The following MYPN variants were observed in gnomAD, a reference collection of about 807,000 sequenced individuals.
The protein encoded by MYPN is myopalladin, also known as sarcomeric protein myopalladin, 145 kDa (MYOP).
In MYPN, 63 loss-of-function variants were observed where a neutral mutation model predicts 129.4. The ratio of observed to expected loss-of-function variants is 0.49; its 90% confidence interval spans 0.40 to 0.60. MYPN has a LOEUF of 0.60. MYPN is among the 20% of genes least tolerant of loss of function. The pLI, the probability that MYPN is intolerant of heterozygous loss-of-function variation, is 0.00. For synonymous variants in MYPN, 629 were observed against 600.9 expected (o/e 1.05, Z -0.68); for missense variants, 1,596 against 1,635.4 (o/e 0.98, Z 0.42).
chr10:68,091,801 C>T (rs2041932472), intron 1 of MYPN, among the ~76,000 whole-genome samples: 1 of 150,528 alleles, frequency 6.6e-6, no homozygotes, highest in African/African-American at 2.4e-5. Context: ...CTATTTTGTC[C>T]TCTTTATAAA....
intron 12 of MYPN, among the ~76,000 whole-genome samples, chr10:68,188,402 G>A (rs950174845): frequency 6.5e-5 from 8 of 124,026 alleles, no homozygotes; most frequent in Non-Finnish European, 1.2e-4. Flanking sequence ...GAGCCACCAT[G>A]CCTGGCCTCT....
In MYPN at chr10:68,122,281, A is replaced by G. The variant is rs74143022; in HGVS notation, c.843A>G (p.Pro281=). The change falls in exon 2 of 20, where the codon CCA becomes CCG. Residue 281 remains proline (P), a synonymous_variant. Transcript: ENST00000358913. ...AAAAGTTACGGAGCAGAGAAGTTCC[A>G]GAAGGAACTCGAGTACAGTTGGATT... ...FTQKLRSREV[P]EGTRVQLDCI... 6.4e-3 allele frequency: 10,400 copies of G among 1,613,930 alleles called. 519 individuals are homozygous for G. In the African/African-American group the frequency reaches 0.11, roughly 18 times the overall value.
At chr10:68,125,895 G>C (rs1199845245) in intron 2 of MYPN, among the ~76,000 whole-genome samples, 1 of 152,176 alleles carries the variant, frequency 6.6e-6, no homozygotes, top group Non-Finnish European at 1.5e-5. Flanking sequence ...TGAGAGGGTG[G>C]CTCACAATCT....
chr10:68,164,726 G>T (rs2043028404), intron 8 of MYPN, among the ~76,000 whole-genome samples: 1 of 152,176 alleles, frequency 6.6e-6, no homozygotes, highest in Admixed American at 6.5e-5. Context: ...CTGTAATCAT[G>T]TGGTTCTACC....
At chr10:68,207,596 C>G (rs2043837348) in intron 19 of MYPN, among the ~76,000 whole-genome samples, 2 of 99,844 alleles carry the variant, frequency 2.0e-5, no homozygotes, top group African/African-American at 8.3e-5. Context: ...TTCATTTATT[C>G]CTTTAACAAA....
In MYPN at chr10:68,175,294, G is replaced by GGT. The variant is rs145837530; in HGVS notation, c.2565-24_2565-23dup. The GGT allele has an allele frequency of 7.7e-5, 124 of 1,613,602 alleles. No homozygotes were observed. In the African/African-American group the frequency reaches 1.4e-3, roughly 18 times the overall value. ...TTTACCCTGGCCAGTGCTTTTCATG[G>GGT]GTGTGTCAGGTGTGGATTTATCTTA... On this transcript the variant is annotated intron_variant, in intron 11 of 19. Coordinates refer to ENST00000358913, the MANE Select transcript of MYPN (RefSeq NM_032578.4).
In MYPN at chr10:68,199,526, T is replaced by C; in HGVS notation, c.3444T>C (p.Ala1148=). ...QRDAGTYKCI[A]TNKTGQNSFS... The stretch of plus-strand genomic sequence containing the variant: ...ACGCAGGGACCTATAAGTGCATCGC[T>C]ACCAACAAAACCGGGCAGAATTCTT... The change falls in exon 17 of 20, where the codon GCT becomes GCC. Residue 1148 remains alanine (A), a synonymous_variant. Transcript: ENST00000358913. 1 of 1,614,166 alleles carries C rather than the reference T, an allele frequency of 6.2e-7. No homozygotes were observed. The highest frequency in any genetic ancestry group is 8.5e-7 in the Non-Finnish European group (1 of 1,180,026).
chr10:68,143,265 C>A, intron 3 of MYPN, 150 bp downstream of exon 3: 2 of 685,404 alleles, frequency 2.9e-6, no homozygotes, highest in African/African-American at 1.8e-5. Context: ...TACTTAGGCT[C>A]ATTTACTGAT....
chr10:68,097,329 C>T (rs1196532292), intron 1 of MYPN, among the ~76,000 whole-genome samples: 1 of 152,166 alleles, frequency 6.6e-6, no homozygotes, highest in East Asian at 1.9e-4. Context: ...CTGAATCAGT[C>T]TGGAAACCTG....
intron 6 of MYPN, among the ~76,000 whole-genome samples, chr10:68,153,923 T>A (rs1326830856): frequency 1.6e-5 from 2 of 123,454 alleles, no homozygotes; most frequent in South Asian, 4.8e-4. Context: ...AAGAAGCCAG[T>A]TTTTTTTTTT....
chr10:68,090,921 A>C (rs1485110321), intron 1 of MYPN, among the ~76,000 whole-genome samples: 1 of 152,134 alleles, frequency 6.6e-6, no homozygotes, highest in Non-Finnish European at 1.5e-5. Context: ...GAAACGTAAT[A>C]TATATTTTTT....
intron 18 of MYPN, 83 bp downstream of exon 18, chr10:68,202,077 G>T: frequency 6.7e-7 from 1 of 1,498,814 alleles, no homozygotes; most frequent in South Asian, 1.1e-5. Flanking sequence ...TGCTATTTGA[G>T]TCTGGCTTAC....
intron 2 of MYPN, among the ~76,000 whole-genome samples, chr10:68,132,087 T>C (rs2042420073): frequency 6.6e-6 from 1 of 152,198 alleles, no homozygotes; most frequent in Non-Finnish European, 1.5e-5. Context: ...CAATACATGC[T>C]CTAGTCTTAT....
chr10:68,104,275 G>C (rs2041996595), upstream of MYPN, among the ~76,000 whole-genome samples: 3 of 152,148 alleles, frequency 2.0e-5, no homozygotes, highest in South Asian at 6.2e-4. Context: ...ACCAAAAATA[G>C]AATCTGTGTG....
At chr10:68,171,064 G>A (rs1017378605) in intron 10 of MYPN, among the ~76,000 whole-genome samples, 14 of 149,068 alleles carry the variant, frequency 9.4e-5, no homozygotes, top group African/African-American at 1.5e-4. Flanking sequence ...CAGGAGAATC[G>A]TTTGAATCTA....
At chr10:68,111,843 T>C (rs2042086283) in intron 1 of MYPN, among the ~76,000 whole-genome samples, 1 of 152,168 alleles carries the variant, frequency 6.6e-6, no homozygotes, top group Admixed American at 6.5e-5. Context: ...CCCAACAAAG[T>C]GCTTGAACTA....
chr10:68,135,596 C>A (rs2042474679), intron 2 of MYPN: 1 of 532,028 alleles, frequency 1.9e-6, no homozygotes, highest in East Asian at 1.5e-4. Flanking sequence ...CTAAATGAAG[C>A]TGGGCAAAGA....
At chr10:68,188,262 G>A (rs571376020) in intron 12 of MYPN, among the ~76,000 whole-genome samples, 39 of 152,036 alleles carry the variant, frequency 2.6e-4, no homozygotes, top group South Asian at 4.2e-4. Context: ...GGTGTGCACC[G>A]CCACACCCAG....
chr10:68,145,369 G>A lies in MYPN; in HGVS notation c.1079-106G>A, dbSNP rs545515954. 549 of 893,804 alleles carry A rather than the reference G, an allele frequency of 6.1e-4. 1 individual carries two copies. The highest frequency in any genetic ancestry group is 8.4e-4 in the Non-Finnish European group (463 of 553,358). The allele number at this position is 893,804 out of a possible 1,614,324, so 55.4% of individuals were successfully genotyped here. The stretch of plus-strand genomic sequence containing the variant: ...ATTCTGTAGGTATTCAGATATTTAG[G>A]AATCAGGTAAACAAAGTATCATCTT... On this transcript the variant is annotated intron_variant, in intron 3 of 19. Transcript: ENST00000358913.
Sources: gnomAD v4.1 joint callset for allele counts (sites outside exome capture counted in the v4.1 genomes callset) on GRCh38, gnomAD v4.1.1 for gene constraint, MANE v1.5 for transcripts, NCBI Gene and HGNC (gene_info 2026-07-23, HGNC 2026-07-21) for gene names.